Variants in SERINC1 observed in about 807,000 individuals in gnomAD.
SERINC1 encodes the protein serine incorporator 1.
SERINC1 carries 38 observed loss-of-function variants against 52.9 expected under a neutral mutation model. The ratio of observed to expected loss-of-function variants is 0.72; its 90% CI spans 0.55 to 0.94. The LOEUF is 0.94. SERINC1 is among the 40% of genes least tolerant of loss of function. The pLI, the probability that SERINC1 is intolerant of heterozygous loss-of-function variation, is 0.00. For missense variants in SERINC1, 471 were observed against 533.9 expected (o/e 0.88, Z 1.16); for synonymous variants, 198 against 183.1 (o/e 1.08, Z -0.66).
chr6:122,471,805 A>G lies in SERINC1; in HGVS notation c.-68T>C. ...ACAGCTTCTTTCTCGCCTTTCCGAG[A>G]TTATTTACTATCTGCGAGACACTTC... On this transcript the variant is annotated 5_prime_UTR_variant, in exon 1 of 10. Transcript: ENST00000339697. The G allele has an allele frequency of 1.2e-6, 2 of 1,611,506 alleles. No homozygotes were observed. The highest frequency in any genetic ancestry group is 1.7e-5 in the Admixed American group (1 of 59,178).
In SERINC1 at chr6:122,452,010, T is replaced by C. The variant is rs764821731; in HGVS notation, c.637A>G (p.Ile213Val). 25 of 1,584,594 alleles carry C rather than the reference T, an allele frequency of 1.6e-5. No homozygotes were observed. In the East Asian group the frequency reaches 4.1e-4, roughly 26 times the overall value. Reference sequence around the variant, plus strand: ...GTGTAGTAGACAAAGAACAGGACGATAGCAACTAAAGACAGCAGATAATTC... The same window carrying C: ...GTGTAGTAGACAAAGAACAGGACGACAGCAACTAAAGACAGCAGATAATTC... Reference protein sequence around the residue: ...ALNYLLSLVAIVLFFVYYTHP... With the variant: ...ALNYLLSLVAVVLFFVYYTHP... Residue 213 changes from isoleucine (I) to valine (V), a missense_variant, in exon 6 of 10, where the codon ATC becomes GTC. Ile to Val is a conservative substitution (Grantham distance 29). Transcript: ENST00000339697.
At chr6:122,450,482 G>A (rs368324087) in intron 7 of SERINC1, among the ~76,000 whole-genome samples, 1 of 152,178 alleles carries the variant, frequency 6.6e-6, no homozygotes, top group East Asian at 1.9e-4. Context: ...TGCTAACACA[G>A]TATTTATTCT....
chr6:122,455,537 A>G (rs1774978782), intron 3 of SERINC1, among the ~76,000 whole-genome samples: 1 of 152,086 alleles, frequency 6.6e-6, no homozygotes. Context: ...CTTGCTCCTC[A>G]GCTTGCAGAT....
chr6:122,458,744 G>A (rs1775047315), intron 1 of SERINC1, 63 bp from the exon 2 acceptor site: 6 of 1,125,562 alleles, frequency 5.3e-6, no homozygotes, highest in African/African-American at 1.6e-5. Flanking sequence ...ATCTTAAAAT[G>A]ATACAATGAA....
chr6:122,445,126 A>G lies in SERINC1; in HGVS notation c.1280T>C (p.Ile427Thr). ...KSQWTAVWVK[I>T]SSSWIGIVLY... is the part of the protein sequence containing the mutation. The stretch of plus-strand genomic sequence containing the variant: ...CACGATGCCAATCCAACTGGAAGAG[A>G]TTTTCACCCAGACAGCTGTCCACTG... The change falls in exon 10 of 10, where the codon ATC (isoleucine) becomes ACC (threonine). Residue 427 changes from isoleucine to threonine, a missense_variant. Ile to Thr is a moderately conservative substitution (Grantham distance 89). Transcript: ENST00000339697. 6.2e-7 allele frequency: 1 copy of G among 1,614,044 alleles called. No homozygotes were observed.
rs151268710 is a variant in SERINC1, at chr6:122,454,569, C to T, written c.372-339G>A. ...AAGGAATGGATTAAAGCCCAGACCA[C>T]GCTAGAGGAAGCATCAGAGCAAATG... On this transcript the variant is annotated intron_variant, in intron 3 of 9. Transcript: ENST00000339697. The T allele has an allele frequency of 1.8e-4, 41 of 227,326 alleles. No homozygotes were observed. The East Asian group carries it at 3.4e-3, about 19-fold the overall frequency. 14.1% of individuals were successfully genotyped at this position (227,326 alleles called of 1,614,324 possible).
intron 1 of SERINC1, among the ~76,000 whole-genome samples, chr6:122,459,060 T>TG (rs1278912151): frequency 6.6e-6 from 1 of 152,076 alleles, no homozygotes; most frequent in Non-Finnish European, 1.5e-5. Context: ...GATACTAGAC[T>TG]GATGAATACA....
rs1243866317 is a variant in SERINC1 at position 122,456,655 on chromosome 6, A to C, written c.202-5T>G. 1 of 1,568,264 alleles carries C rather than the reference A, an allele frequency of 6.4e-7. No homozygotes were observed. The highest frequency in any genetic ancestry group is 1.4e-5 in the African/African-American group (1 of 72,336). On this transcript the variant is annotated splice_polypyrimidine_tract_variant and splice_region_variant and intron_variant, in intron 2 of 9. Coordinates refer to ENST00000339697, the MANE Select transcript of SERINC1 (RefSeq NM_020755.4). ...ATTCTCACAAAATCCAGGAATCTAGAAAAACAAAAGAGTTTATGATCCATC... is the reference window on the plus strand; with the variant it reads ...ATTCTCACAAAATCCAGGAATCTAGCAAAACAAAAGAGTTTATGATCCATC...
At chr6:122,456,996 A>T (rs940625543) in intron 2 of SERINC1, among the ~76,000 whole-genome samples, 1 of 152,138 alleles carries the variant, frequency 6.6e-6, no homozygotes, top group African/African-American at 2.4e-5. Context: ...ACTACTGTTC[A>T]GAACTATTAA....
chr6:122,467,828 A>G (rs1775213351), intron 1 of SERINC1, among the ~76,000 whole-genome samples: 1 of 152,096 alleles, frequency 6.6e-6, no homozygotes, highest in Non-Finnish European at 1.5e-5. Flanking sequence ...GGGGACATCA[A>G]TGTGTGTGTG....
intron 2 of SERINC1, among the ~76,000 whole-genome samples, chr6:122,457,937 T>C (rs964396820): frequency 6.6e-6 from 1 of 152,210 alleles, no homozygotes; most frequent in African/African-American, 2.4e-5. Flanking sequence ...TCTAGGTTAA[T>C]AGCAATACTT....
intron 1 of SERINC1, among the ~76,000 whole-genome samples, chr6:122,463,692 C>T (rs1775143824): frequency 2.6e-5 from 4 of 152,032 alleles, no homozygotes; most frequent in Non-Finnish European, 4.4e-5. Context: ...ACTGATGATA[C>T]CAACTACTGA....
intron 3 of SERINC1, among the ~76,000 whole-genome samples, chr6:122,455,284 G>T (rs1199586750): frequency 1.3e-5 from 2 of 152,090 alleles, no homozygotes; most frequent in African/African-American, 4.8e-5. Flanking sequence ...GTCTGTGAGG[G>T]TGTTGCCAAA....
Position 122,443,837 on chromosome 6 carries a change from A to G in SERINC1, c.*1207T>C, listed in dbSNP as rs1368551183. On this transcript the variant is annotated 3_prime_UTR_variant, in exon 10 of 10. Transcript: ENST00000339697. ...TCAGAGAGAATGCTATTATTGGCCAACTTGAAATTTCCTAATTAGCTATCT... is the reference window on the plus strand; with the variant it reads ...TCAGAGAGAATGCTATTATTGGCCAGCTTGAAATTTCCTAATTAGCTATCT... The G allele has an allele frequency of 6.6e-6, 1 of 152,100 alleles. No homozygotes were observed. Among genetic ancestry groups the G allele is most frequent in the Admixed American group, 6.5e-5 (1 of 15,272 alleles). 9.4% of individuals were successfully genotyped at this position (152,100 alleles called of 1,614,324 possible).
chr6:122,459,178 A>G (rs1775056345), intron 1 of SERINC1, among the ~76,000 whole-genome samples: 1 of 152,210 alleles, frequency 6.6e-6, no homozygotes, highest in South Asian at 2.1e-4. Context: ...AACTACAACT[A>G]GAGTGAGGCA....
chr6:122,449,400 A>AT (rs1774865846), intron 7 of SERINC1, among the ~76,000 whole-genome samples: 1 of 152,232 alleles, frequency 6.6e-6, no homozygotes, highest in South Asian at 2.1e-4. Flanking sequence ...AAACACACAA[A>AT]TGATAGATAA....
chr6:122,450,428 A>G (rs1438807054), intron 7 of SERINC1, among the ~76,000 whole-genome samples: 1 of 152,254 alleles, frequency 6.6e-6, no homozygotes, highest in African/African-American at 2.4e-5. Flanking sequence ...GGGTCACCCA[A>G]AAGCTCTGAT....
intron 5 of SERINC1, among the ~76,000 whole-genome samples, chr6:122,452,412 G>A (rs1774927441): frequency 6.6e-6 from 1 of 151,992 alleles, no homozygotes; most frequent in Non-Finnish European, 1.5e-5. Context: ...ATTACTTAAG[G>A]TTTTTAAAGA....
rs1421634734 is a variant in SERINC1 at position 122,471,743 on chromosome 6, C to A, written c.-6G>T. ...AGCCCCAGGACGCTCCCCATCTCCA[C>A]AACGTCACAAGAGCAGCGGATACAG... On this transcript the variant is annotated 5_prime_UTR_variant, in exon 1 of 10. Transcript: ENST00000339697. 6.2e-7 allele frequency: 1 copy of A among 1,614,150 alleles called. No individual in the cohort carries two copies. Among genetic ancestry groups the A allele is most frequent in the Non-Finnish European group, 8.5e-7 (1 of 1,179,988 alleles).
Sources: allele counts gnomAD v4.1 joint callset (sites outside exome capture counted in the v4.1 genomes callset), GRCh38; gene constraint gnomAD v4.1.1; transcripts MANE v1.5; gene names NCBI Gene and HGNC (gene_info 2026-07-23, HGNC 2026-07-21).